Variants in TOX observed in about 807,000 individuals in gnomAD.
TOX encodes thymocyte selection associated high mobility group box.
Under a neutral mutation model 53.7 loss-of-function variants are expected in TOX, and 11 were observed. The ratio of observed to expected loss-of-function variants is 0.20; its 90% CI spans 0.13 to 0.34. TOX has a LOEUF of 0.34. TOX is among the 10% of genes least tolerant of loss of function. The pLI is 1.00. For missense variants in TOX, 570 were observed against 664.6 expected (o/e 0.86, Z 1.56); for synonymous variants, 225 against 245.3 (o/e 0.92, Z 0.77).
In TOX at chr8:58,851,175, TCTCTCTCTCTCACACACACA is replaced by T. The variant is rs1232552382; in HGVS notation, c.693+329_693+348del. On this transcript the variant is annotated intron_variant, in intron 4 of 8. Transcript: ENST00000361421. This position sits in a 1 kb window ranked among gnomAD's most constrained non-coding sequence, Gnocchi z 4.4. Reference sequence around the variant, plus strand: ...CTCTCTCTGTCTCTCTCTCTCTCTCTCTCTCTCTCTCACACACACACACACACACACACACACGACCTTCA... The same window carrying T: ...CTCTCTCTGTCTCTCTCTCTCTCTCTCACACACACACACACACGACCTTCA... 1.4e-5 allele frequency among the ~76,000 whole-genome samples: 2 copies of T among 146,176 alleles called. No individual in the cohort carries two copies. The highest frequency in any genetic ancestry group is 5.2e-5 in the African/African-American group (2 of 38,238).
rs187294483 is a variant in TOX, at chr8:58,951,045, C to T, written c.168+8898G>A. ...ATATTTCCCAGAGTATTCTCACACA[C>T]GTAACACATTGCCGTTATCTCAATA... On this transcript the variant is annotated intron_variant, in intron 2 of 8. Coordinates refer to ENST00000361421, the MANE Select transcript of TOX (RefSeq NM_014729.3). Among the ~76,000 whole-genome samples, 222 of 152,288 alleles carry T rather than the reference C, an allele frequency of 1.5e-3. 1 individual carries two copies. Among genetic ancestry groups the T allele is most frequent in the African/African-American group, 4.9e-3 (205 of 41,564 alleles).
intron 3 of TOX, among the ~76,000 whole-genome samples, chr8:58,936,644 C>T (rs2129176198): frequency 6.6e-6 from 1 of 152,274 alleles, no homozygotes; most frequent in African/African-American, 2.4e-5. Context: ...CCTGATTCTT[C>T]CAACTTTATT....
At chr8:59,108,851 T>G (rs181314015) in intron 1 of TOX, among the ~76,000 whole-genome samples, 38 of 152,284 alleles carry the variant, frequency 2.5e-4, no homozygotes, top group Non-Finnish European at 4.1e-4. Flanking sequence ...ACACCAACAC[T>G]ATGCCTATAA....
At chr8:58,971,365 T>G (rs1433659244) in intron 1 of TOX, among the ~76,000 whole-genome samples, 1 of 151,822 alleles carries the variant, frequency 6.6e-6, no homozygotes, top group Non-Finnish European at 1.5e-5. Context: ...TATCATGGAG[T>G]GGGTTTGAAA....
At chr8:58,976,176 A>C (rs567491561) in intron 1 of TOX, among the ~76,000 whole-genome samples, 1 of 152,352 alleles carries the variant, frequency 6.6e-6, no homozygotes, top group Admixed American at 6.5e-5. Context: ...CTACAGTAGA[A>C]TGTCAAAATT....
intron 1 of TOX, among the ~76,000 whole-genome samples, chr8:59,021,909 A>C (rs894153220): frequency 1.3e-5 from 2 of 152,168 alleles, no homozygotes; most frequent in South Asian, 2.1e-4. Flanking sequence ...ACAGAAGAGA[A>C]AGGAGAAAAA....
intron 5 of TOX, among the ~76,000 whole-genome samples, chr8:58,836,382 T>C (rs1459838451): frequency 6.6e-6 from 1 of 152,170 alleles, no homozygotes; most frequent in Non-Finnish European, 1.5e-5. Flanking sequence ...GCTTTAAAAT[T>C]CTGCAACAAT....
rs574641744 is a variant in TOX at position 59,041,044 on chromosome 8, C to T, written c.102+77842G>A. ...CACTGGCAGGGAGACCTTTGACCAT[C>T]AGCAGGAGGCACTTCATAAAAGGGA... On this transcript the variant is annotated intron_variant, in intron 1 of 8. Coordinates refer to ENST00000361421, the MANE Select transcript of TOX (RefSeq NM_014729.3). Among the ~76,000 whole-genome samples the T allele has an allele frequency of 5.3e-5, 8 of 150,476 alleles. No individual in the cohort carries two copies. In the East Asian group the frequency reaches 1.6e-3, roughly 30 times the overall value.
At chr8:59,069,949 C>T (rs1366916261) in intron 1 of TOX, among the ~76,000 whole-genome samples, 2 of 152,158 alleles carry the variant, frequency 1.3e-5, no homozygotes, top group South Asian at 2.1e-4. Flanking sequence ...ATGTGTAACA[C>T]GGTACCCTGA....
intron 1 of TOX, among the ~76,000 whole-genome samples, chr8:58,998,126 T>C (rs538924779): frequency 1.1e-4 from 17 of 152,202 alleles, no homozygotes; most frequent in African/African-American, 3.6e-4. Context: ...TTTCTCATGT[T>C]AATGTCAGAT....
chr8:58,824,038 G>C (rs1417269203), intron 6 of TOX, among the ~76,000 whole-genome samples: 1 of 152,178 alleles, frequency 6.6e-6, no homozygotes, highest in Non-Finnish European at 1.5e-5. Context: ...GACCTTATCA[G>C]AGAGAATGTC....
In TOX at chr8:58,806,570, AAGTT is replaced by A. The variant is rs1563357712; in HGVS notation, c.*1173_*1176del. The A allele has an allele frequency of 6.6e-6, 1 of 152,544 alleles. No homozygotes were observed. The highest frequency in any genetic ancestry group is 1.5e-5 in the Non-Finnish European group (1 of 68,016). The allele number at this position is 152,544 out of a possible 1,614,324, so 9.4% of individuals were successfully genotyped here. A position where few individuals can be genotyped will look rare whatever the true frequency, so the allele number is the denominator to read the frequency against. On this transcript the variant is annotated 3_prime_UTR_variant, in exon 9 of 9. Coordinates refer to ENST00000361421, the MANE Select transcript of TOX (RefSeq NM_014729.3). ...TTCTGTTATGTCGTATGAAGAAATA[AAGTT>A]CTTAAATATAATAGTTTTTTGTTTG... is the stretch of plus-strand genomic sequence containing the variant.
chr8:58,928,212 C>A (rs1310146175), intron 3 of TOX, among the ~76,000 whole-genome samples: 1 of 152,312 alleles, frequency 6.6e-6, no homozygotes, highest in South Asian at 2.1e-4. Flanking sequence ...TGCAGGGAAG[C>A]GCAGCTTCAG....
intron 3 of TOX, among the ~76,000 whole-genome samples, chr8:58,928,790 A>G (rs999924623): frequency 2.0e-5 from 3 of 152,188 alleles, no homozygotes; most frequent in African/African-American, 7.2e-5. Context: ...CATCCATAGC[A>G]TTTGCAAGTT....
At chr8:58,818,824 G>A (rs1212016369) in intron 6 of TOX, among the ~76,000 whole-genome samples, 2 of 152,144 alleles carry the variant, frequency 1.3e-5, no homozygotes, top group Admixed American at 6.6e-5. Context: ...ACAGCTTTCC[G>A]CTCTGTCCTT....
rs566118471 is a variant in TOX, at chr8:59,117,986, C to A, written c.102+900G>T. Among the ~76,000 whole-genome samples, 3 of 152,168 alleles carry A rather than the reference C, an allele frequency of 2.0e-5. No individual in the cohort carries two copies. The highest frequency in any genetic ancestry group is 4.4e-5 in the Non-Finnish European group (3 of 68,010). On this transcript the variant is annotated intron_variant, in intron 1 of 8. Transcript: ENST00000361421. The surrounding 1 kb of genome is among the most constrained non-coding windows in gnomAD (Gnocchi z 4.6). ...AGAGTTCGAGAAGCCGGGAGAGTAA[C>A]CCCCTCCCTCGTACCCCCTGACTGT...
At chr8:58,929,770 AT>A (rs1245018481) in intron 3 of TOX, among the ~76,000 whole-genome samples, 1 of 151,960 alleles carries the variant, frequency 6.6e-6, no homozygotes, top group Non-Finnish European at 1.5e-5. Flanking sequence ...AATTAAAAAA[AT>A]AACATGAGTC....
rs930600215 is a variant in TOX at position 59,117,880 on chromosome 8, C to T, written c.102+1006G>A. The stretch of plus-strand genomic sequence containing the variant: ...AACGGGACTGCTTAGACACGTCCAA[C>T]TAGCCCTAGGCGTGGGCAGTCGTGC... On this transcript the variant is annotated intron_variant, in intron 1 of 8. Transcript: ENST00000361421. The surrounding 1 kb of genome is among the most constrained non-coding windows in gnomAD (Gnocchi z 4.6). 6.6e-6 allele frequency among the ~76,000 whole-genome samples: 1 copy of T among 152,264 alleles called. No individual in the cohort carries two copies. Among genetic ancestry groups the T allele is most frequent in the African/African-American group, 2.4e-5 (1 of 41,472 alleles).
intron 7 of TOX, among the ~76,000 whole-genome samples, chr8:58,808,593 C>T (rs1421092350): frequency 6.6e-6 from 1 of 152,150 alleles, no homozygotes; most frequent in African/African-American, 2.4e-5. Flanking sequence ...GGCCTAAACC[C>T]CTCAAAGTTT....
Sources: allele counts gnomAD v4.1 joint callset (sites outside exome capture counted in the v4.1 genomes callset), GRCh38; gene constraint gnomAD v4.1.1; non-coding constraint Gnocchi (gnomAD v3.1); transcripts MANE v1.5; gene names NCBI Gene and HGNC (gene_info 2026-07-23, HGNC 2026-07-21).